Variants in RANBP17 observed in about 807,000 individuals in gnomAD.
RANBP17 encodes the protein ran-binding protein 17.
A neutral mutation model predicts 141.2 loss-of-function variants in RANBP17; 158 were observed. The ratio of observed to expected loss-of-function variants is 1.12; its 90% CI spans 0.98 to 1.28. The LOEUF (loss-of-function observed/expected upper bound fraction) is 1.28. Ranked by LOEUF, RANBP17 falls within the 50% of genes most tolerant of loss-of-function variation. The pLI is 0.00. For synonymous variants in RANBP17, 430 were observed against 450.0 expected (o/e 0.96, Z 0.56); for missense variants, 1,438 against 1,290.7 (o/e 1.11, Z -1.75).
At chr5:170,922,459 GCTGCGGTGGGCTCTGCCCAGT>G (rs899095469) in intron 11 of RANBP17, among the ~76,000 whole-genome samples, 1 of 152,174 alleles carries the variant, frequency 6.6e-6, no homozygotes, top group African/African-American at 2.4e-5. Flanking sequence ...CAGAGGCTGA[GCTGCGGTGGGCTCTGCCCAGT>G]CTGTGCTTTG....
intron 1 of RANBP17, 127 bp from the exon 2 acceptor site, chr5:170,877,970 G>C: frequency 1.8e-6 from 1 of 567,932 alleles, no homozygotes; most frequent in Non-Finnish European, 2.8e-6. Flanking sequence ...GTAAGTAGTT[G>C]TATATCGATA....
In RANBP17 at chr5:170,916,464, G is replaced by T; in HGVS notation, c.835-1G>T. 2 of 1,525,572 alleles carry T rather than the reference G, an allele frequency of 1.3e-6. No individual in the cohort carries two copies. Among genetic ancestry groups the T allele is most frequent in the Non-Finnish European group, 1.8e-6 (2 of 1,132,876 alleles). 94.5% of individuals were successfully genotyped at this position (1,525,572 alleles called of 1,614,324 possible). On this transcript the variant is annotated splice_acceptor_variant, in intron 8 of 27. Transcript: ENST00000523189. LOFTEE classifies it high-confidence loss of function. ...AATGAAATTTTTTTGGTATTTTTTA[G>T]GCACTTTCATGTTTAGTTCAGTTTG...
chr5:171,252,050 T>C, intron 24 of RANBP17: 1 of 1,604,814 alleles, frequency 6.2e-7, no homozygotes, highest in South Asian at 1.1e-5. Context: ...AAGGAGAGCC[T>C]TCTTACATGC....
At chr5:170,873,138 T>G (rs895254184) in intron 1 of RANBP17, among the ~76,000 whole-genome samples, 1 of 152,172 alleles carries the variant, frequency 6.6e-6, no homozygotes, top group Admixed American at 6.5e-5. Context: ...CTTGAACTAT[T>G]GACCTCAGGT....
chr5:170,978,861 T>C (rs542217595), intron 14 of RANBP17, among the ~76,000 whole-genome samples: 2 of 152,304 alleles, frequency 1.3e-5, no homozygotes, highest in South Asian at 4.1e-4. Flanking sequence ...ATTAATTTTT[T>C]TTACAAAAGA....
At chr5:170,883,507 T>A (rs11747420) in intron 3 of RANBP17, among the ~76,000 whole-genome samples, 7,434 of 152,284 alleles carry the variant, frequency 0.049, 254 homozygotes, top group Non-Finnish European at 0.071. Flanking sequence ...TCTATGGATT[T>A]TGACAAATGT....
At chr5:171,056,995 C>T (rs1328853436) in intron 14 of RANBP17, among the ~76,000 whole-genome samples, 3 of 152,190 alleles carry the variant, frequency 2.0e-5, no homozygotes, top group African/African-American at 7.2e-5. Flanking sequence ...TAACTTTCAC[C>T]TTTGCGTTAG....
At chr5:171,121,527 G>A (rs1756033196) in intron 14 of RANBP17, among the ~76,000 whole-genome samples, 1 of 152,318 alleles carries the variant, frequency 6.6e-6, no homozygotes, top group East Asian at 1.9e-4. Context: ...TGTTCTGCTG[G>A]CCCAGTAGCA....
intron 13 of RANBP17, among the ~76,000 whole-genome samples, chr5:170,959,999 G>A (rs973248247): frequency 1.3e-5 from 2 of 152,158 alleles, no homozygotes; most frequent in South Asian, 2.1e-4. Flanking sequence ...GTACTCAGAT[G>A]TCTTTTTCAA....
chr5:171,080,671 A>G (rs1428144112), intron 14 of RANBP17, among the ~76,000 whole-genome samples: 3 of 152,186 alleles, frequency 2.0e-5, no homozygotes, highest in Non-Finnish European at 4.4e-5. Context: ...AAGATGATGG[A>G]CGTTGGTGTT....
At chr5:171,200,847 A>T (rs748485126) in intron 19 of RANBP17, among the ~76,000 whole-genome samples, 10 of 152,236 alleles carry the variant, frequency 6.6e-5, no homozygotes, top group Non-Finnish European at 1.2e-4. Flanking sequence ...GTTTATCAGC[A>T]TGCTATAGTT....
intron 1 of RANBP17, among the ~76,000 whole-genome samples, chr5:170,876,190 C>T (rs1204287626): frequency 1.3e-5 from 2 of 152,140 alleles, no homozygotes; most frequent in Non-Finnish European, 2.9e-5. Flanking sequence ...GCTCCCCTGC[C>T]CTGTGTGGCT....
intron 24 of RANBP17, among the ~76,000 whole-genome samples, chr5:171,254,171 T>C (rs1765742705): frequency 6.9e-6 from 1 of 145,510 alleles, no homozygotes; most frequent in African/African-American, 2.6e-5. Context: ...CACTGGAACC[T>C]GGGGGGCGGA....
intron 16 of RANBP17, among the ~76,000 whole-genome samples, chr5:171,176,650 A>G (rs761787846): frequency 7.2e-5 from 11 of 152,204 alleles, no homozygotes; most frequent in Non-Finnish European, 1.5e-4. Context: ...GATAAATTAC[A>G]TACGAATTTT....
chr5:171,141,412 T>C (rs941066925), intron 14 of RANBP17, among the ~76,000 whole-genome samples: 72 of 148,544 alleles, frequency 4.8e-4, no homozygotes, highest in Non-Finnish European at 8.6e-4. Flanking sequence ...CTGGCTAGCA[T>C]GGTGAAACCC....
intron 14 of RANBP17, among the ~76,000 whole-genome samples, chr5:171,150,515 T>G (rs1239016672): frequency 2.0e-5 from 3 of 152,002 alleles, no homozygotes; most frequent in African/African-American, 7.3e-5. Flanking sequence ...GCAAGTGATA[T>G]TCTCAATAAA....
At position 171,247,862 on chromosome 5, in the gene RANBP17, T is replaced by C. The variant is rs372063680; in HGVS notation, c.2776+5042T>C. On this transcript the variant is annotated intron_variant, in intron 24 of 27. Transcript: ENST00000523189. ...TCTAGTGGGAAGAGATAAGCAATAA[T>C]TGAACAAACAAATACACATGCCAAA... Among the ~76,000 whole-genome samples the C allele has an allele frequency of 3.9e-5, 6 of 152,062 alleles. No individual in the cohort carries two copies. The East Asian group carries it at 7.7e-4, about 20-fold the overall frequency.
chr5:171,299,069 G>A lies in RANBP17; in HGVS notation c.*211G>A, dbSNP rs1050448606. On this transcript the variant is annotated 3_prime_UTR_variant, in exon 28 of 28. Coordinates refer to ENST00000523189, the MANE Select transcript of RANBP17 (RefSeq NM_022897.5). ...TTCAGTCTTTTCTCTGAAAAGCAAA[G>A]GATGTGTTTTCAGTCTTTCTATCAA... is the stretch of plus-strand genomic sequence containing the variant. The A allele has an allele frequency of 2.2e-6, 1 of 454,714 alleles. No homozygotes were observed. The highest frequency in any genetic ancestry group is 3.9e-6 in the Non-Finnish European group (1 of 253,776). 28.2% of individuals were successfully genotyped at this position (454,714 alleles called of 1,614,324 possible).
chr5:171,009,726 T>C (rs1291668837), intron 14 of RANBP17, among the ~76,000 whole-genome samples: 1 of 152,184 alleles, frequency 6.6e-6, no homozygotes, highest in African/African-American at 2.4e-5. Flanking sequence ...GTAATTATTA[T>C]AGTCTTCTAG....
Sources: allele counts gnomAD v4.1 joint callset (sites outside exome capture counted in the v4.1 genomes callset), GRCh38; gene constraint gnomAD v4.1.1; transcripts MANE v1.5; gene names NCBI Gene and HGNC (gene_info 2026-07-23, HGNC 2026-07-21).